The following CDC42EP3 variants were observed in gnomAD, a reference collection of about 807,000 sequenced individuals.
CDC42EP3 encodes the protein CDC42 effector protein (Rho GTPase binding) 3.
A neutral mutation model predicts 15.5 loss-of-function variants in CDC42EP3; 4 were observed. That is an observed-to-expected ratio of 0.26 (90% CI 0.13 to 0.59). CDC42EP3 has a LOEUF of 0.59. Ranked by LOEUF, CDC42EP3 falls within the 20% of genes least tolerant of loss-of-function variation. The pLI is 0.89. For missense variants in CDC42EP3, 309 were observed against 311.2 expected (o/e 0.99, Z 0.05); for synonymous variants, 145 against 130.3 (o/e 1.11, Z -0.77).
rs146629328 is a variant in CDC42EP3 at position 37,654,913 on chromosome 2, G to A, written c.-235-8091C>T. On this transcript the variant is annotated intron_variant, in intron 1 of 1. Coordinates refer to ENST00000295324, the MANE Select transcript of CDC42EP3 (RefSeq NM_006449.5). Reference sequence around the variant, plus strand: ...CTCTGAATAATTTTAAAATTGAAGGGGAAAAAAACCCCATAGTGTTAGATT... The same window carrying A: ...CTCTGAATAATTTTAAAATTGAAGGAGAAAAAAACCCCATAGTGTTAGATT... 2.9e-3 allele frequency among the ~76,000 whole-genome samples: 439 copies of A among 152,042 alleles called. 2 individuals carry two copies. The highest frequency in any genetic ancestry group is 0.01 in the African/African-American group (420 of 41,474).
upstream of CDC42EP3, among the ~76,000 whole-genome samples, chr2:37,672,824 G>A (rs754025171): frequency 3.8e-4 from 58 of 152,198 alleles, no homozygotes; most frequent in Non-Finnish European, 7.5e-4. Flanking sequence ...GAACCTCCCG[G>A]ATACCTTGGC....
At chr2:37,659,943 G>A (rs770946806) in intron 1 of CDC42EP3, among the ~76,000 whole-genome samples, 9 of 152,184 alleles carry the variant, frequency 5.9e-5, no homozygotes, top group African/African-American at 1.7e-4. Context: ...TGGCCTGAGC[G>A]GGGGAAGAGC....
chr2:37,651,979 T>A (rs7576237), intron 1 of CDC42EP3, among the ~76,000 whole-genome samples: 17,263 of 151,368 alleles, frequency 0.11, 1,117 homozygotes, highest in Middle Eastern at 0.17. Context: ...ATAAAGACCA[T>A]CCTGGCTAAC....
rs200940679 is a variant in CDC42EP3, at chr2:37,645,812, T to C, written c.*11A>G. 13 of 1,513,038 alleles carry C rather than the reference T, an allele frequency of 8.6e-6. No individual in the cohort carries two copies. Among genetic ancestry groups the C allele is most frequent in the South Asian group, 5.4e-5 (4 of 73,858 alleles). 93.7% of individuals were successfully genotyped at this position (1,513,038 alleles called of 1,614,324 possible). A position where few individuals can be genotyped will look rare whatever the true frequency, so the allele number is the denominator to read the frequency against. ...TACCTTTTACCCCAAAGGAAAAAAG[T>C]TGGCATCTTGTTACTTATTTTTATC... On this transcript the variant is annotated 3_prime_UTR_variant, in exon 2 of 2. Coordinates refer to ENST00000295324, the MANE Select transcript of CDC42EP3 (RefSeq NM_006449.5).
intron 1 of CDC42EP3, among the ~76,000 whole-genome samples, chr2:37,655,711 AC>A (rs1665826619): frequency 6.6e-6 from 1 of 152,236 alleles, no homozygotes; most frequent in Non-Finnish European, 1.5e-5. Flanking sequence ...TGAACTGCTC[AC>A]GTGTTTCCAT....
In CDC42EP3 at chr2:37,646,076, G is replaced by A. The variant is rs764227532; in HGVS notation, c.512C>T (p.Ser171Leu). Residue 171 changes from serine to leucine, a missense_variant, in exon 2 of 2, where the codon TCG becomes TTG. Coordinates refer to ENST00000295324, the MANE Select transcript of CDC42EP3 (RefSeq NM_006449.5). ...AGATGCAGAACCGCTGGAGCCCCAC[G>A]AGGTGTCTCCCTGGTGGACTGTCCC... is the stretch of plus-strand genomic sequence containing the variant. ...ENGTVHQGDT[S>L]WGSSGSASQS... 5.6e-6 allele frequency: 9 copies of A among 1,614,064 alleles called. No homozygotes were observed. The Admixed American group carries it at 1.3e-4, about 24-fold the overall frequency.
chr2:37,646,635 T>G lies in CDC42EP3; in HGVS notation c.-48A>C, dbSNP rs1665491155. 6.8e-7 allele frequency: 1 copy of G among 1,465,314 alleles called. No individual in the cohort carries two copies. Among genetic ancestry groups the G allele is most frequent in the African/African-American group, 1.4e-5 (1 of 70,664 alleles). The allele number at this position is 1,465,314 out of a possible 1,614,324, so 90.8% of individuals were successfully genotyped here. A position where few individuals can be genotyped will look rare whatever the true frequency, so the allele number is the denominator to read the frequency against. On this transcript the variant is annotated 5_prime_UTR_variant, in exon 2 of 2. Coordinates refer to ENST00000295324, the MANE Select transcript of CDC42EP3 (RefSeq NM_006449.5). ...TTTGCAAGCGGGAGAAAGGGCCACT[T>G]TCTTCACAGATGGTATATGTTTCTG...
rs925131651 is a variant in CDC42EP3, at chr2:37,671,612, C to G, written c.-422G>C. ...CTCCGGGCTAGCCCCGCGCTGCGGTCCCCCGGCCGCGAGAGAAGGTGCGCG... is the reference window on the plus strand; with the variant it reads ...CTCCGGGCTAGCCCCGCGCTGCGGTGCCCCGGCCGCGAGAGAAGGTGCGCG... On this transcript the variant is annotated 5_prime_UTR_variant, in exon 1 of 2. Transcript: ENST00000295324. 6.6e-6 allele frequency: 1 copy of G among 152,226 alleles called. No individual in the cohort carries two copies. The highest frequency in any genetic ancestry group is 1.5e-5 in the Non-Finnish European group (1 of 67,988). 9.4% of individuals were successfully genotyped at this position (152,226 alleles called of 1,614,324 possible). A position where few individuals can be genotyped will look rare whatever the true frequency, so the allele number is the denominator to read the frequency against.
At chr2:37,647,576 T>C (rs1572506331) in intron 1 of CDC42EP3, 1 of 152,384 alleles carries the variant, frequency 6.6e-6, no homozygotes, top group South Asian at 2.1e-4. Flanking sequence ...GGGCCTTCAC[T>C]TGGGAACACT....
chr2:37,662,787 A>T (rs529379917), intron 1 of CDC42EP3, among the ~76,000 whole-genome samples: 104 of 152,336 alleles, frequency 6.8e-4, no homozygotes, highest in African/African-American at 2.4e-3. Context: ...GAGAGCAAGA[A>T]AACAGGCTCT....
intron 1 of CDC42EP3, chr2:37,647,333 A>C (rs1665511160): frequency 6.6e-6 from 1 of 152,242 alleles, no homozygotes; most frequent in African/African-American, 2.4e-5. Flanking sequence ...ATGTTAGTGG[A>C]ATACATTCTT....
At chr2:37,650,478 T>C (rs1022465440) in intron 1 of CDC42EP3, among the ~76,000 whole-genome samples, 4 of 152,230 alleles carry the variant, frequency 2.6e-5, no homozygotes, top group Admixed American at 2.6e-4. Flanking sequence ...TCGGTATTTG[T>C]TGAGGGCTTC....
upstream of CDC42EP3, chr2:37,672,623 C>G (rs968056599): frequency 3.3e-5 from 5 of 152,264 alleles, no homozygotes; most frequent in African/African-American, 1.2e-4. Context: ...GCCTCCGTCT[C>G]TTCCTCCTCC....
At chr2:37,662,934 G>A (rs1218423998) in intron 1 of CDC42EP3, among the ~76,000 whole-genome samples, 2 of 152,234 alleles carry the variant, frequency 1.3e-5, no homozygotes, top group African/African-American at 2.4e-5. Flanking sequence ...GGAGGCCGAG[G>A]CGGGCGGATC....
In CDC42EP3 at chr2:37,646,052, G is replaced by A. The variant is rs1665446202; in HGVS notation, c.536C>T (p.Ser179Phe). 6.2e-7 allele frequency: 1 copy of A among 1,614,046 alleles called. No homozygotes were observed. The highest frequency in any genetic ancestry group is 1.3e-5 in the African/African-American group (1 of 74,920). The change falls in exon 2 of 2, where the codon TCT (serine) becomes TTT (phenylalanine). Residue 179 changes from serine (S) to phenylalanine (F), a missense_variant. Physicochemically the swap from Ser to Phe is radical, Grantham distance 155. Transcript: ENST00000295324. ...DTSWGSSGSASQSSQGRDSHS... is the reference protein window; with the variant it reads ...DTSWGSSGSAFQSSQGRDSHS... Reference sequence around the variant, plus strand: ...GCTGTCTCTGCCTTGGCTGGACTGAGATGCAGAACCGCTGGAGCCCCACGA... The same window carrying A: ...GCTGTCTCTGCCTTGGCTGGACTGAAATGCAGAACCGCTGGAGCCCCACGA...
intron 1 of CDC42EP3, among the ~76,000 whole-genome samples, chr2:37,663,933 G>A (rs1666165289): frequency 6.6e-6 from 1 of 152,142 alleles, no homozygotes; most frequent in Non-Finnish European, 1.5e-5. Context: ...CCAGCACTTT[G>A]GGAGGCTGAG....
chr2:37,662,245 C>T (rs944512726), intron 1 of CDC42EP3, among the ~76,000 whole-genome samples: 3 of 152,188 alleles, frequency 2.0e-5, no homozygotes, highest in African/African-American at 4.8e-5. Flanking sequence ...TTCAGTGTCC[C>T]CATCTGTGAA....
intron 1 of CDC42EP3, among the ~76,000 whole-genome samples, chr2:37,654,019 C>T (rs145277591): frequency 1.4e-4 from 22 of 152,284 alleles, no homozygotes; most frequent in South Asian, 4.1e-4. Context: ...CGGCCAGTCA[C>T]GGCACCACTG....
chr2:37,647,289 G>A (rs1665509865), intron 1 of CDC42EP3: 1 of 152,218 alleles, frequency 6.6e-6, no homozygotes, highest in Middle Eastern at 3.2e-3. Flanking sequence ...TATTTAATAA[G>A]TGACAATAAC....
Sources: allele counts gnomAD v4.1 joint callset (sites outside exome capture counted in the v4.1 genomes callset), GRCh38; gene constraint gnomAD v4.1.1; transcripts MANE v1.5; gene names NCBI Gene and HGNC (gene_info 2026-07-23, HGNC 2026-07-21).